The following MAF variants were observed in gnomAD, a reference collection of about 807,000 sequenced individuals.
MAF encodes the protein transcription factor Maf.
Under a neutral mutation model 22.0 loss-of-function variants are expected in MAF, and 10 were observed. The observed-to-expected ratio is 0.45, with a 90% CI of 0.28 to 0.77. MAF has a LOEUF of 0.77. Ranked by LOEUF, MAF falls within the 30% of genes least tolerant of loss-of-function variation. The probability of loss-of-function intolerance (pLI) is 0.12; values close to 1 mark genes in which losing one functional copy is unlikely to be tolerated. For synonymous variants in MAF, 337 were observed against 255.8 expected, an observed-to-expected ratio of 1.32 and a Z score of -3.03; for missense variants, 544 against 548.4, an observed-to-expected ratio of 0.99 and a Z score of 0.08.
the MAF span, among the ~76,000 whole-genome samples, chr16:79,351,266 G>T: frequency 6.6e-6 from 1 of 152,176 alleles, no homozygotes. Flanking sequence ...TGATGCCCCA[G>T]AGAGGTGTGT....
the MAF span, among the ~76,000 whole-genome samples, chr16:79,477,873 T>A: frequency 6.6e-6 from 1 of 151,816 alleles, no homozygotes; most frequent in Non-Finnish European, 1.5e-5. Context: ...TACAGGCGCG[T>A]GCCACCAGGC....
the MAF span, among the ~76,000 whole-genome samples, chr16:79,367,064 C>T: frequency 6.6e-6 from 1 of 152,098 alleles, no homozygotes; most frequent in African/African-American, 2.4e-5. Context: ...GAATAATTTA[C>T]CCCTAATCTA....
chr16:79,390,323 G>A, the MAF span, among the ~76,000 whole-genome samples: 1 of 152,140 alleles, frequency 6.6e-6, no homozygotes, highest in East Asian at 1.9e-4. Flanking sequence ...CTTAGGCATG[G>A]GCTGCAGGAG....
the MAF span, among the ~76,000 whole-genome samples, chr16:79,388,252 GATAAATAGCATGA>G: frequency 2.8e-5 from 3 of 108,594 alleles, no homozygotes; most frequent in Non-Finnish European, 5.6e-5. Context: ...GTGGCCCGCG[GATAAATAGCATGA>G]GTTTTATAAC....
the MAF span, among the ~76,000 whole-genome samples, chr16:79,294,405 T>C: frequency 1.5e-4 from 23 of 152,194 alleles, no homozygotes; most frequent in Non-Finnish European, 3.1e-4. Flanking sequence ...AGACAAGCTC[T>C]TGACTACGTG....
chr16:79,257,006 G>A, the MAF span, among the ~76,000 whole-genome samples: 29 of 151,916 alleles, frequency 1.9e-4, no homozygotes, highest in Admixed American at 6.6e-5. Flanking sequence ...ATGAAACCCC[G>A]TCTCTACTAA....
At chr16:79,335,367 G>A in the MAF span, among the ~76,000 whole-genome samples, 277 of 152,282 alleles carry the variant, frequency 1.8e-3, 4 homozygotes, top group Non-Finnish European at 3.3e-3. Flanking sequence ...CCAGCCTGCA[G>A]AGAGCTTGTT....
At chr16:79,328,839 G>A in the MAF span, among the ~76,000 whole-genome samples, 30 of 152,302 alleles carry the variant, frequency 2.0e-4, no homozygotes, top group Admixed American at 1.8e-3. Flanking sequence ...CCAGGAAGCC[G>A]CTGCCTTAAG....
At chr16:79,376,225 CTTGTT>C in the MAF span, among the ~76,000 whole-genome samples, 1 of 151,724 alleles carries the variant, frequency 6.6e-6, no homozygotes, top group African/African-American at 2.4e-5. Flanking sequence ...TTCCTGTTTA[CTTGTT>C]TTATTTAATT....
At chr16:79,364,821 T>A in the MAF span, among the ~76,000 whole-genome samples, 2 of 152,206 alleles carry the variant, frequency 1.3e-5, no homozygotes, top group East Asian at 1.9e-4. Context: ...ATGTGTAGAA[T>A]GAAACAGAAA....
chr16:79,255,972 CTTTTCTTTTCT>C, the MAF span, among the ~76,000 whole-genome samples: 2 of 129,896 alleles, frequency 1.5e-5, no homozygotes, highest in African/African-American at 6.1e-5. Context: ...TTTCTTTTTT[CTTTTCTTTTCT>C]TTTTTTTTTT....
chr16:79,224,510 G>C, the MAF span, among the ~76,000 whole-genome samples: 6 of 152,074 alleles, frequency 3.9e-5, no homozygotes, highest in South Asian at 2.1e-4. Flanking sequence ...TTCTGGCCAG[G>C]ACAATCAGAC....
the MAF span, among the ~76,000 whole-genome samples, chr16:79,478,522 T>C: frequency 1.3e-5 from 2 of 152,158 alleles, no homozygotes; most frequent in African/African-American, 4.8e-5. Flanking sequence ...GATGTGGCAA[T>C]GCTGGGACCC....
At chr16:79,297,952 T>G in the MAF span, among the ~76,000 whole-genome samples, 3 of 152,256 alleles carry the variant, frequency 2.0e-5, no homozygotes, top group Non-Finnish European at 2.9e-5. Flanking sequence ...AGTTAATATT[T>G]GCAAAAACCT....
the MAF span, chr16:79,203,061 C>G: frequency 2.0e-5 from 3 of 152,194 alleles, no homozygotes; most frequent in Non-Finnish European, 4.4e-5. Context: ...GAATTATTTA[C>G]CCGGGCAATT....
the MAF span, among the ~76,000 whole-genome samples, chr16:79,469,271 C>G: frequency 6.6e-6 from 1 of 152,160 alleles, no homozygotes; most frequent in Non-Finnish European, 1.5e-5. Context: ...ACAGTCTGGA[C>G]CACAAAGCCA....
At chr16:79,597,902 A>G in intron 1 of MAF, 1 of 1,037,840 alleles carries the variant, frequency 9.6e-7, no homozygotes, top group Non-Finnish European at 1.2e-6. Flanking sequence ...AATGCATGAG[A>G]TGAGAATGAG....
chr16:79,584,797 G>C (rs1014700558), downstream of MAF, among the ~76,000 whole-genome samples: 2 of 152,078 alleles, frequency 1.3e-5, no homozygotes, highest in African/African-American at 2.4e-5. Context: ...TCCAAGACTA[G>C]AAAATAAACA....
the MAF span, among the ~76,000 whole-genome samples, chr16:79,257,978 C>T: frequency 6.6e-6 from 1 of 152,156 alleles, no homozygotes; most frequent in East Asian, 1.9e-4. Context: ...AAAACTAACT[C>T]AATGAGCACT....
Sources: allele counts gnomAD v4.1 joint callset (sites outside exome capture counted in the v4.1 genomes callset), GRCh38; gene constraint gnomAD v4.1.1; transcripts MANE v1.5; gene names NCBI Gene and HGNC (gene_info 2026-07-23, HGNC 2026-07-21).